CHCHD3: variants seen among roughly 807,000 people sequenced by gnomAD.
The protein encoded by CHCHD3 is MICOS complex subunit MIC19.
Under a neutral mutation model 38.2 loss-of-function variants are expected in CHCHD3, and 20 were observed. The ratio of observed to expected loss-of-function variants is 0.52; its 90% CI spans 0.37 to 0.76. The LOEUF is 0.76. CHCHD3 is among the 30% of genes least tolerant of loss of function. The pLI, the probability that CHCHD3 is intolerant of heterozygous loss-of-function variation, is 0.00. For synonymous variants in CHCHD3, 82 were observed against 100.0 expected (o/e 0.82, Z 1.07); for missense variants, 245 against 279.2 (o/e 0.88, Z 0.87).
chr7:133,033,975 G>A (rs1813576569), intron 2 of CHCHD3, among the ~76,000 whole-genome samples: 1 of 152,074 alleles, frequency 6.6e-6, no homozygotes, highest in African/African-American at 2.4e-5. Flanking sequence ...AGAATGTACA[G>A]ATGCCAGAAA....
At chr7:132,820,737 GA>G (rs1290494651) in intron 6 of CHCHD3, among the ~76,000 whole-genome samples, 2 of 146,234 alleles carry the variant, frequency 1.4e-5, no homozygotes, top group Non-Finnish European at 3.0e-5. Context: ...TTTACTTCTG[GA>G]AAAAAAAATA....
At chr7:132,808,845 A>G (rs1563241634) in intron 6 of CHCHD3, among the ~76,000 whole-genome samples, 2 of 150,538 alleles carry the variant, frequency 1.3e-5, no homozygotes, top group Non-Finnish European at 1.5e-5. Flanking sequence ...CTAACTCGTC[A>G]TCTAGCATTA....
At chr7:132,808,275 G>A (rs755624586) in intron 6 of CHCHD3, among the ~76,000 whole-genome samples, 1 of 152,162 alleles carries the variant, frequency 6.6e-6, no homozygotes, top group Non-Finnish European at 1.5e-5. Flanking sequence ...TCATGAAATT[G>A]TAAGTTGGCC....
chr7:132,990,332 T>G (rs1048127494), intron 3 of CHCHD3, among the ~76,000 whole-genome samples: 1 of 152,190 alleles, frequency 6.6e-6, no homozygotes, highest in Non-Finnish European at 1.5e-5. Context: ...ATGTATTTAC[T>G]AAGATGCTGG....
chr7:133,029,853 C>A (rs146434868), intron 2 of CHCHD3, among the ~76,000 whole-genome samples: 1 of 151,870 alleles, frequency 6.6e-6, no homozygotes, highest in East Asian at 1.9e-4. Context: ...GAGAGAAAAA[C>A]GTGGGAAGAG....
intron 4 of CHCHD3, among the ~76,000 whole-genome samples, chr7:132,974,340 A>G (rs958755040): frequency 6.6e-6 from 1 of 152,198 alleles, no homozygotes; most frequent in Non-Finnish European, 1.5e-5. Context: ...TGTCTATGTA[A>G]TCTTTTAAAA....
chr7:132,866,675 G>C (rs1808633532), intron 5 of CHCHD3, among the ~76,000 whole-genome samples: 1 of 152,144 alleles, frequency 6.6e-6, no homozygotes, highest in Admixed American at 6.5e-5. Context: ...AAAAGAATTA[G>C]AGTCACTCTT....
chr7:132,898,796 G>GTGGGCTGGCACTGC (rs1234884941), intron 4 of CHCHD3, among the ~76,000 whole-genome samples: 2 of 152,234 alleles, frequency 1.3e-5, no homozygotes, highest in African/African-American at 4.8e-5. Context: ...CGCAGCGCCG[G>GTGGGCTGGCACTGC]TGGGCTGGCA....
Position 133,024,560 on chromosome 7 carries a change from G to A in CHCHD3, c.237C>T (p.Ser79=), listed in dbSNP as rs758243567. The change falls in exon 3 of 8, where the codon TCC becomes TCT. Residue 79 remains serine (S), a synonymous_variant. Coordinates refer to ENST00000262570, the MANE Select transcript of CHCHD3 (RefSeq NM_017812.4). ...ELALEQAKKE[S]EDQKRLKQAK... ...ACAAAACTCACCGTTTCTGATCTTC[G>A]GATTCTTTCTTGGCTTGCTCCAATG... 16 of 1,612,740 alleles carry A rather than the reference G, an allele frequency of 9.9e-6. No individual in the cohort carries two copies. Among genetic ancestry groups the A allele is most frequent in the Admixed American group, 5.0e-5 (3 of 59,986 alleles).
intron 4 of CHCHD3, among the ~76,000 whole-genome samples, chr7:132,906,612 C>A (rs1306091820): frequency 6.6e-6 from 1 of 151,056 alleles, no homozygotes; most frequent in African/African-American, 2.4e-5. Flanking sequence ...CCCTCCCCAA[C>A]CCCCGCCCCA....
At chr7:132,858,028 G>A (rs1056672201) in intron 5 of CHCHD3, among the ~76,000 whole-genome samples, 1 of 152,122 alleles carries the variant, frequency 6.6e-6, no homozygotes, top group Non-Finnish European at 1.5e-5. Context: ...AGCTCATTCA[G>A]AGTAGGGCTT....
chr7:132,981,238 T>C (rs1256537634), intron 3 of CHCHD3, among the ~76,000 whole-genome samples: 1 of 151,902 alleles, frequency 6.6e-6, no homozygotes, highest in Non-Finnish European at 1.5e-5. Flanking sequence ...GGTCTTGAAC[T>C]GGGCTCAAGT....
At chr7:132,820,579 A>T (rs1807336814) in intron 6 of CHCHD3, among the ~76,000 whole-genome samples, 1 of 146,030 alleles carries the variant, frequency 6.8e-6, no homozygotes, top group Admixed American at 6.8e-5. Context: ...TTAAACACAC[A>T]TGTATGCACA....
At chr7:132,838,499 C>T (rs1255413196) in intron 5 of CHCHD3, 30 bp from the exon 6 acceptor site, 1 of 1,509,318 alleles carries the variant, frequency 6.6e-7, no homozygotes, top group South Asian at 1.2e-5. Flanking sequence ...GCAAAGGTTT[C>T]ACTATCCAAG....
chr7:132,999,167 T>C (rs554452743), intron 3 of CHCHD3, among the ~76,000 whole-genome samples: 10 of 152,306 alleles, frequency 6.6e-5, no homozygotes, highest in Non-Finnish European at 8.8e-5. Context: ...CCAATATTTA[T>C]CTGCATTTCC....
intron 5 of CHCHD3, among the ~76,000 whole-genome samples, chr7:132,873,586 T>C (rs1005139544): frequency 6.6e-6 from 1 of 152,070 alleles, no homozygotes; most frequent in African/African-American, 2.4e-5. Context: ...GTTTTAATGA[T>C]GACGTTGATG....
chr7:132,900,968 G>A (rs1444279464), intron 4 of CHCHD3, among the ~76,000 whole-genome samples: 1 of 152,146 alleles, frequency 6.6e-6, no homozygotes, highest in Non-Finnish European at 1.5e-5. Context: ...TCCAGCCTGG[G>A]CGACAGAGCA....
At chr7:132,797,123 CACAA>C (rs1419504633) in intron 6 of CHCHD3, among the ~76,000 whole-genome samples, 2 of 152,172 alleles carry the variant, frequency 1.3e-5, no homozygotes, top group African/African-American at 4.8e-5. Context: ...GCACTTTCTA[CACAA>C]AATACAAGGC....
At chr7:132,979,066 A>G (rs1811847218) in intron 3 of CHCHD3, among the ~76,000 whole-genome samples, 1 of 152,212 alleles carries the variant, frequency 6.6e-6, no homozygotes, top group Non-Finnish European at 1.5e-5. Context: ...ACAATCTAAT[A>G]AGCCTCAGTT....
Sources: gnomAD v4.1 joint callset for allele counts (sites outside exome capture counted in the v4.1 genomes callset) on GRCh38, gnomAD v4.1.1 for gene constraint, MANE v1.5 for transcripts, NCBI Gene and HGNC (gene_info 2026-07-23, HGNC 2026-07-21) for gene names.